The following DNASE1 variants were observed in gnomAD, a reference collection of about 807,000 sequenced individuals.
The protein encoded by DNASE1 is deoxyribonuclease 1.
In DNASE1, 40 loss-of-function variants were observed where a neutral mutation model predicts 33.9. The ratio of observed to expected loss-of-function variants is 1.18; its 90% confidence interval spans 0.92 to 1.54. The LOEUF (loss-of-function observed/expected upper bound fraction) is 1.54. Ranked by LOEUF, DNASE1 falls within the 40% of genes most tolerant of loss-of-function variation. DNASE1 has a pLI of 0.00. For missense variants in DNASE1, 518 were observed against 372.6 expected (o/e 1.39, Z -3.21); for synonymous variants, 216 against 160.0 (o/e 1.35, Z -2.64).
upstream of DNASE1, chr16:3,650,603 C>CAAAAAAAAAAAA (rs201718600): frequency 1.6e-5 from 1 of 63,370 alleles, no homozygotes; most frequent in African/African-American, 6.1e-5. Flanking sequence ...TATGGTCATT[C>CAAAAAAAAAAAA]AAAAAAAAAA....
chr16:3,628,376 G>C (rs1027517850), intron 1 of DNASE1, among the ~76,000 whole-genome samples: 1 of 151,892 alleles, frequency 6.6e-6, no homozygotes, highest in African/African-American at 2.4e-5. Flanking sequence ...TATTAAATCT[G>C]TGAATTAATT....
chr16:3,658,101 G>T, downstream of DNASE1: 1 of 1,611,746 alleles, frequency 6.2e-7, no homozygotes, highest in Non-Finnish European at 8.5e-7. Context: ...TGTCATCTGT[G>T]GTGTCAGTCC....
intron 1 of DNASE1, among the ~76,000 whole-genome samples, chr16:3,617,375 TTA>T (rs2151155463): frequency 6.9e-6 from 1 of 145,210 alleles, no homozygotes; most frequent in East Asian, 2.0e-4. Context: ...GGGTAAATCT[TTA>T]TGACCTTGGA....
At chr16:3,621,723 T>C (rs777031968) in intron 1 of DNASE1, among the ~76,000 whole-genome samples, 15 of 152,250 alleles carry the variant, frequency 9.9e-5, no homozygotes, top group Admixed American at 1.3e-4. Context: ...ACATTCATAC[T>C]TCATTGTATC....
chr16:3,631,021 A>T (rs934909119), intron 1 of DNASE1, among the ~76,000 whole-genome samples: 3 of 151,596 alleles, frequency 2.0e-5, no homozygotes, highest in African/African-American at 7.3e-5. Context: ...ACCTTATAGG[A>T]TTTTATTTAT....
At chr16:3,645,610 A>G (rs182426917) in intron 1 of DNASE1, among the ~76,000 whole-genome samples, 1 of 152,194 alleles carries the variant, frequency 6.6e-6, no homozygotes, top group Non-Finnish European at 1.5e-5. Flanking sequence ...CTGAGCCAAC[A>G]TGCCGTGGTT....
intron 1 of DNASE1, among the ~76,000 whole-genome samples, chr16:3,624,066 C>T (rs1015405463): frequency 5.3e-5 from 8 of 152,124 alleles, no homozygotes; most frequent in East Asian, 3.8e-4. Context: ...AGGCGGATCA[C>T]TTGAGTGCAA....
At chr16:3,630,304 C>T (rs1033045252) in intron 1 of DNASE1, among the ~76,000 whole-genome samples, 1 of 152,128 alleles carries the variant, frequency 6.6e-6, no homozygotes, top group Non-Finnish European at 1.5e-5. Context: ...ACCTTGGCGC[C>T]CCAAGTAGCT....
intron 1 of DNASE1, among the ~76,000 whole-genome samples, chr16:3,629,974 CG>C (rs1263873915): frequency 6.6e-6 from 1 of 151,818 alleles, no homozygotes; most frequent in Non-Finnish European, 1.5e-5. Context: ...CCACCATGCG[CG>C]GCTAATTTTT....
chr16:3,625,792 T>G (rs1193093969), intron 1 of DNASE1, among the ~76,000 whole-genome samples: 1 of 152,064 alleles, frequency 6.6e-6, no homozygotes, highest in Non-Finnish European at 1.5e-5. Context: ...AGAACCTTTA[T>G]AAGGCACCAT....
intron 1 of DNASE1, among the ~76,000 whole-genome samples, chr16:3,619,901 C>G (rs2041244958): frequency 6.6e-6 from 1 of 151,234 alleles, no homozygotes; most frequent in East Asian, 1.9e-4. Flanking sequence ...AACGAAAATT[C>G]ATATGTATGG....
downstream of DNASE1, chr16:3,658,492 G>C: frequency 1.7e-6 from 1 of 573,350 alleles, no homozygotes; most frequent in South Asian, 2.1e-5. Flanking sequence ...GACCATCCTG[G>C]CCAAGATGGT....
chr16:3,656,102 G>A lies in DNASE1; in HGVS notation c.237G>A (p.Gln79=), dbSNP rs1483919296. The A allele has an allele frequency of 6.2e-7, 1 of 1,614,078 alleles. No individual in the cohort carries two copies. Among genetic ancestry groups the A allele is most frequent in the East Asian group, 2.2e-5 (1 of 44,874 alleles). The change falls in exon 4 of 9, where the codon CAG becomes CAA. Residue 79 remains glutamine (Q), a splice_region_variant and synonymous_variant. Coordinates refer to ENST00000246949, the MANE Select transcript of DNASE1 (RefSeq NM_005223.4). Reference sequence around the variant, plus strand: ...GGGACCTTTTGTTTCTTCAATCCAGGGATGCACCAGACACCTATCACTACG... The same window carrying A: ...GGGACCTTTTGTTTCTTCAATCCAGAGATGCACCAGACACCTATCACTACG... ...AVGKLLDNLN[Q]DAPDTYHYVV...
chr16:3,663,298 C>T (rs963770270), exon 10 of DNASE1: 38 of 1,295,566 alleles, frequency 2.9e-5, no homozygotes, highest in Admixed American at 9.4e-5. Flanking sequence ...TCCCACAAGG[C>T]TCTTCTCGGG....
At chr16:3,658,202 C>A (rs2042830115), downstream of DNASE1, 1 of 1,613,882 alleles carries the variant, frequency 6.2e-7, no homozygotes, top group African/African-American at 1.3e-5. Flanking sequence ...GTCAACAAGT[C>A]CAGCAGCAAT....
At chr16:3,619,583 T>G (rs1327166685) in intron 1 of DNASE1, among the ~76,000 whole-genome samples, 4 of 148,028 alleles carry the variant, frequency 2.7e-5, no homozygotes, top group East Asian at 4.1e-4. Flanking sequence ...GGATGGTCTC[T>G]ATCTGCGGAC....
At chr16:3,658,888 A>G, downstream of DNASE1, 1 of 1,613,694 alleles carries the variant, frequency 6.2e-7, no homozygotes, top group East Asian at 2.2e-5. Flanking sequence ...ACCCACCAGA[A>G]AAAGCAGCTC....
In DNASE1 at chr16:3,655,228, C is replaced by T. The variant is rs892619979; in HGVS notation, c.-1-145C>T. 2.9e-4 allele frequency: 330 copies of T among 1,156,402 alleles called. 1 individual carries two copies. Among genetic ancestry groups the T allele is most frequent in the Non-Finnish European group, 3.4e-4 (284 of 825,352 alleles). 71.6% of individuals were successfully genotyped at this position (1,156,402 alleles called of 1,614,324 possible). On this transcript the variant is annotated intron_variant, in intron 1 of 8. Transcript: ENST00000246949. Reference sequence around the variant, plus strand: ...GGTGCCAGCTGTTTGGCTTTCTGGACGTTGTAGGAAAGGGTTTCCCCCGCC... The same window carrying T: ...GGTGCCAGCTGTTTGGCTTTCTGGATGTTGTAGGAAAGGGTTTCCCCCGCC...
At chr16:3,612,235 G>T (rs562449725) in intron 1 of DNASE1, among the ~76,000 whole-genome samples, 3 of 152,238 alleles carry the variant, frequency 2.0e-5, no homozygotes, top group Admixed American at 1.3e-4. Flanking sequence ...GGGTCGTCGG[G>T]AGCCATTGAA....
Sources: gnomAD v4.1 joint callset for allele counts (sites outside exome capture counted in the v4.1 genomes callset) on GRCh38, gnomAD v4.1.1 for gene constraint, MANE v1.5 for transcripts, NCBI Gene and HGNC (gene_info 2026-07-23, HGNC 2026-07-21) for gene names.